The following IFT43 variants were observed in gnomAD, a reference collection of about 807,000 sequenced individuals.
The protein encoded by IFT43 is intraflagellar transport 43, also known as intraflagellar transport protein 43 homolog.
Under a neutral mutation model 32.3 loss-of-function variants are expected in IFT43, and 33 were observed. The observed-to-expected ratio is 1.02, with a 90% CI of 0.77 to 1.37. IFT43 has a LOEUF of 1.37. Ranked by LOEUF, IFT43 falls within the 40% of genes most tolerant of loss-of-function variation. The pLI is 0.00. For missense variants in IFT43, 274 were observed against 265.9 expected (o/e 1.03, Z -0.21); for synonymous variants, 93 against 98.2 (o/e 0.95, Z 0.31).
At chr14:76,070,534 T>C (rs533958585) in intron 5 of IFT43, among the ~76,000 whole-genome samples, 3 of 152,218 alleles carry the variant, frequency 2.0e-5, no homozygotes, top group Non-Finnish European at 4.4e-5. Context: ...TTCCTAAACC[T>C]GGTTCCTTGG....
chr14:76,064,475 G>C (rs1220257246), intron 5 of IFT43, among the ~76,000 whole-genome samples: 5 of 152,218 alleles, frequency 3.3e-5, no homozygotes, highest in Non-Finnish European at 4.4e-5. Flanking sequence ...AAGTGGGTAG[G>C]CGGTTAAGGA....
At position 76,083,471 on chromosome 14, in the gene IFT43, G is replaced by A; in HGVS notation, c.521G>A (p.Trp174Ter). 6.2e-7 allele frequency: 1 copy of A among 1,614,150 alleles called. No homozygotes were observed. Among genetic ancestry groups the A allele is most frequent in the Non-Finnish European group, 8.5e-7 (1 of 1,180,036 alleles). The change falls in exon 9 of 9, where the codon TGG becomes TAG. Residue 174 changes from tryptophan to a stop codon, truncating the protein, a stop_gained. Transcript: ENST00000314067. LOFTEE classifies it high-confidence loss of function. ...CCTTCTTGGCAGGATGATGTCGGCT[G>A]GGACTGGGACCATCTGTTCACTGAG... ...EHEVREDDVGWDWDHLFTEVS... is the reference protein window; with the variant it reads ...EHEVREDDVG
At position 76,049,408 on chromosome 14, in the gene IFT43, A is replaced by G. The variant is rs10139326; in HGVS notation, c.216-9234A>G. Among the ~76,000 whole-genome samples the G allele has an allele frequency of 4.5e-3, 678 of 152,058 alleles. 2 individuals are homozygous for G. The highest frequency in any genetic ancestry group is 0.016 in the African/African-American group (648 of 41,484). Reference sequence around the variant, plus strand: ...GGCCGTACGCTCTTGGATTTTTGACAAACAGCAATGTCTAGCTAATAAAGT... The same window carrying G: ...GGCCGTACGCTCTTGGATTTTTGACGAACAGCAATGTCTAGCTAATAAAGT... On this transcript the variant is annotated intron_variant, in intron 3 of 8. Transcript: ENST00000314067.
intron 2 of IFT43, among the ~76,000 whole-genome samples, chr14:76,019,191 A>G (rs372380179): frequency 2.0e-5 from 3 of 151,642 alleles, no homozygotes; most frequent in African/African-American, 4.8e-5. Flanking sequence ...AGTGAGTTTT[A>G]TACTGTCTTG....
At chr14:75,995,859 T>A (rs940812884) in intron 2 of IFT43, among the ~76,000 whole-genome samples, 4 of 152,208 alleles carry the variant, frequency 2.6e-5, no homozygotes, top group African/African-American at 9.7e-5. Flanking sequence ...TTTTCCACAC[T>A]TCATATTTAT....
At chr14:75,990,300 A>C (rs1055199815) in intron 2 of IFT43, among the ~76,000 whole-genome samples, 1 of 152,260 alleles carries the variant, frequency 6.6e-6, no homozygotes, top group Non-Finnish European at 1.5e-5. Context: ...TGATTAAGAA[A>C]ACCTAATCAC....
chr14:76,070,170 G>A (rs1445431938), intron 5 of IFT43, among the ~76,000 whole-genome samples: 1 of 152,226 alleles, frequency 6.6e-6, no homozygotes, highest in Non-Finnish European at 1.5e-5. Context: ...TGGAAGAGAT[G>A]TGAGATGCTA....
intron 5 of IFT43, among the ~76,000 whole-genome samples, chr14:76,060,752 C>A (rs2140056363): frequency 6.6e-6 from 1 of 152,018 alleles, no homozygotes; most frequent in South Asian, 2.1e-4. Flanking sequence ...CAATTTTTTT[C>A]TTTTAGCATT....
intron 2 of IFT43, among the ~76,000 whole-genome samples, chr14:76,014,883 TCTGTGTCTCCATC>T (rs2036154642): frequency 6.6e-6 from 1 of 152,172 alleles, no homozygotes; most frequent in Admixed American, 6.5e-5. Flanking sequence ...CTGGAACAAT[TCTGTGTCTCCATC>T]ACTGACGCCT....
intron 3 of IFT43, among the ~76,000 whole-genome samples, chr14:76,027,260 A>G (rs1035170909): frequency 6.6e-6 from 1 of 152,146 alleles, no homozygotes; most frequent in African/African-American, 2.4e-5. Context: ...CCAAAATACC[A>G]TTATTAAAAA....
At chr14:76,009,332 CATCAT>C (rs2036036272) in intron 2 of IFT43, among the ~76,000 whole-genome samples, 1 of 152,224 alleles carries the variant, frequency 6.6e-6, no homozygotes, top group African/African-American at 2.4e-5. Context: ...GTACCCACTT[CATCAT>C]ATCATAAGAT....
intron 3 of IFT43, among the ~76,000 whole-genome samples, chr14:76,027,260 A>C (rs1035170909): frequency 2.0e-5 from 3 of 152,030 alleles, no homozygotes; most frequent in African/African-American, 7.2e-5. Context: ...CCAAAATACC[A>C]TTATTAAAAA....
intron 5 of IFT43, among the ~76,000 whole-genome samples, chr14:76,080,901 G>C (rs574185417): frequency 6.6e-6 from 1 of 152,128 alleles, no homozygotes; most frequent in Non-Finnish European, 1.5e-5. Context: ...GCTAAATGTG[G>C]TTCATTATTT....
chr14:75,992,444 C>T (rs2035662236), intron 2 of IFT43, among the ~76,000 whole-genome samples: 1 of 152,226 alleles, frequency 6.6e-6, no homozygotes, highest in African/African-American at 2.4e-5. Context: ...GAAGAAAGAG[C>T]ATGCCAGCCA....
At chr14:76,042,300 A>G (rs945610968) in intron 3 of IFT43, among the ~76,000 whole-genome samples, 53 of 151,916 alleles carry the variant, frequency 3.5e-4, no homozygotes, top group Admixed American at 1.2e-3. Context: ...AGAGTCATAC[A>G]GCTAGTGAGT....
At chr14:76,082,759 C>A in intron 7 of IFT43, 67 bp downstream of exon 7, 1 of 1,196,106 alleles carries the variant, frequency 8.4e-7, no homozygotes, top group South Asian at 1.2e-5. Flanking sequence ...GTAGAGATTT[C>A]TCAGTTCCTC....
chr14:76,004,078 G>A (rs1046582005), intron 2 of IFT43, among the ~76,000 whole-genome samples: 3 of 152,118 alleles, frequency 2.0e-5, no homozygotes, highest in Non-Finnish European at 4.4e-5. Flanking sequence ...CCCCAGCCCA[G>A]TTTGTCATTT....
intron 5 of IFT43, among the ~76,000 whole-genome samples, chr14:76,062,328 C>T (rs975634332): frequency 1.3e-5 from 2 of 151,976 alleles, no homozygotes; most frequent in African/African-American, 2.4e-5. Flanking sequence ...CCTCAGCCTC[C>T]CAAAGTGCTG....
chr14:75,986,258 G>A, intron 1 of IFT43: 2 of 1,288,356 alleles, frequency 1.6e-6, no homozygotes, highest in South Asian at 2.5e-5. Flanking sequence ...TGCAAAAGCC[G>A]CACTGTTTTA....
Sources: gnomAD v4.1 joint callset for allele counts (sites outside exome capture counted in the v4.1 genomes callset) on GRCh38, gnomAD v4.1.1 for gene constraint, MANE v1.5 for transcripts, NCBI Gene and HGNC (gene_info 2026-07-23, HGNC 2026-07-21) for gene names.